HHAT: variants seen among roughly 807,000 people sequenced by gnomAD.
HHAT encodes the protein protein-cysteine N-palmitoyltransferase HHAT.
In HHAT, 47 loss-of-function variants were observed where a neutral mutation model predicts 70.8. That is an observed-to-expected ratio of 0.66 (90% CI 0.53 to 0.85). The LOEUF (loss-of-function observed/expected upper bound fraction) is 0.85, where lower values mean the gene tolerates loss of function less well. Ranked by LOEUF, HHAT falls within the 40% of genes least tolerant of loss-of-function variation. The probability of loss-of-function intolerance (pLI) is 0.00; values close to 1 mark genes in which losing one functional copy is unlikely to be tolerated. For missense variants in HHAT, 609 were observed against 604.8 expected (o/e 1.01, Z -0.07); for synonymous variants, 228 against 247.6 (o/e 0.92, Z 0.74).
chr1:210,374,103 A>C (rs1186629677), intron 3 of HHAT: 1 of 151,058 alleles, frequency 6.6e-6, no homozygotes, highest in Non-Finnish European at 1.5e-5. Flanking sequence ...CTTAAGCCTA[A>C]AGTTGCACCA....
intron 9 of HHAT, among the ~76,000 whole-genome samples, chr1:210,587,026 G>T (rs1453961303): frequency 6.6e-6 from 1 of 152,166 alleles, no homozygotes; most frequent in Non-Finnish European, 1.5e-5. Context: ...AGAAAGCTGG[G>T]GAACCGTCTC....
chr1:210,637,705 C>A (rs902636935), intron 11 of HHAT, among the ~76,000 whole-genome samples: 6 of 151,958 alleles, frequency 3.9e-5, no homozygotes, highest in African/African-American at 9.7e-5. Context: ...CCTAAAAATA[C>A]AAAAATTAGC....
chr1:210,389,654 A>G (rs2148151414), intron 4 of HHAT, among the ~76,000 whole-genome samples: 1 of 152,346 alleles, frequency 6.6e-6, no homozygotes, highest in East Asian at 1.9e-4. Flanking sequence ...GCCTTCTGGC[A>G]TGATTGTAAG....
At chr1:210,427,489 T>G (rs2093100305) in intron 7 of HHAT, among the ~76,000 whole-genome samples, 1 of 152,180 alleles carries the variant, frequency 6.6e-6, no homozygotes, top group Non-Finnish European at 1.5e-5. Flanking sequence ...TCCCAGAGAC[T>G]GTGGTATGTT....
chr1:210,462,915 T>G (rs1459531008), intron 7 of HHAT: 1 of 152,238 alleles, frequency 6.6e-6, no homozygotes, highest in Non-Finnish European at 1.5e-5. Context: ...GGTTATTTCC[T>G]TCAGAATATC....
intron 8 of HHAT, among the ~76,000 whole-genome samples, chr1:210,503,705 C>G (rs1035321132): frequency 6.6e-6 from 1 of 152,176 alleles, no homozygotes; most frequent in East Asian, 1.9e-4. Context: ...CCTTCTCATC[C>G]TCTCTTCACT....
At chr1:210,654,099 AGT>A (rs1675830090) in intron 11 of HHAT, among the ~76,000 whole-genome samples, 3 of 64,514 alleles carry the variant, frequency 4.7e-5, no homozygotes, top group Non-Finnish European at 1.0e-4. Context: ...TGACAGGAAT[AGT>A]GTGACAGCAG....
At chr1:210,552,841 C>T (rs566211093) in intron 9 of HHAT, among the ~76,000 whole-genome samples, 2 of 152,132 alleles carry the variant, frequency 1.3e-5, no homozygotes, top group African/African-American at 4.8e-5. Context: ...CCTTGAGAAA[C>T]CTTCCTTGGC....
intron 7 of HHAT, among the ~76,000 whole-genome samples, chr1:210,453,994 C>T (rs1342153061): frequency 2.0e-5 from 3 of 152,084 alleles, no homozygotes; most frequent in Admixed American, 6.5e-5. Context: ...TCTTACATGG[C>T]GGTGACAAGA....
chr1:210,640,801 A>C (rs1349810959), intron 11 of HHAT, among the ~76,000 whole-genome samples: 1 of 152,194 alleles, frequency 6.6e-6, no homozygotes, highest in Non-Finnish European at 1.5e-5. Context: ...AAAATACTGC[A>C]ATAGCATCTT....
chr1:210,571,102 A>T (rs912298317), intron 9 of HHAT, among the ~76,000 whole-genome samples: 24 of 152,144 alleles, frequency 1.6e-4, no homozygotes, highest in African/African-American at 5.6e-4. Flanking sequence ...AAACTGTCTG[A>T]TCTGTGCTAC....
chr1:210,501,702 C>T (rs559708774), intron 8 of HHAT, among the ~76,000 whole-genome samples: 1 of 152,234 alleles, frequency 6.6e-6, no homozygotes, highest in African/African-American at 2.4e-5. Flanking sequence ...GAGTGCCTCT[C>T]ATTGGGAGAA....
intron 8 of HHAT, 29 bp downstream of exon 8, chr1:210,464,684 C>T (rs1229014980): frequency 6.2e-7 from 1 of 1,613,062 alleles, no homozygotes; most frequent in South Asian, 1.1e-5. Context: ...TAAAGTTGGT[C>T]AGGCATGTCC....
rs554236088 is a variant in HHAT, at chr1:210,568,874, G to A, written c.1044-19024G>A. Among the ~76,000 whole-genome samples, 5 of 152,272 alleles carry A rather than the reference G, an allele frequency of 3.3e-5. No homozygotes were observed. In the South Asian group the frequency reaches 1.0e-3, roughly 32 times the overall value. ...CTGCCCCAGTTGGTCAAAAGCACAG[G>A]TAAAACAACTTGGGGCCTGTGATTG... On this transcript the variant is annotated intron_variant, in intron 9 of 11. Coordinates refer to ENST00000261458, the MANE Select transcript of HHAT (RefSeq NM_018194.6).
At chr1:210,586,387 C>T (rs1374879180) in intron 9 of HHAT, among the ~76,000 whole-genome samples, 1 of 152,146 alleles carries the variant, frequency 6.6e-6, no homozygotes, top group East Asian at 1.9e-4. Flanking sequence ...TTGTGGTAAG[C>T]TGTGACTGCA....
chr1:210,648,137 C>T (rs1041855969), intron 11 of HHAT, among the ~76,000 whole-genome samples: 3 of 152,206 alleles, frequency 2.0e-5, no homozygotes, highest in African/African-American at 7.2e-5. Context: ...CAGTTAAAAC[C>T]AAAGCCACTT....
chr1:210,404,511 G>A lies in HHAT; in HGVS notation c.516G>A (p.Thr172=), dbSNP rs111463628. 15 of 1,613,200 alleles carry A rather than the reference G, an allele frequency of 9.3e-6. No homozygotes were observed. The East Asian group carries it at 2.5e-4, about 26-fold the overall frequency. Residue 172 remains threonine, a synonymous_variant, in exon 6 of 12, where the codon ACG becomes ACA. Coordinates refer to ENST00000261458, the MANE Select transcript of HHAT (RefSeq NM_018194.6). The part of the protein sequence containing the change: ...TENEYYLLQF[T]LTVRCLYYTS... ...ACGAGTACTACCTGCTGCAGTTCAC[G>A]CTGACCGTTCGCTGCCTGTACTACA...
intron 9 of HHAT, among the ~76,000 whole-genome samples, chr1:210,520,656 A>T (rs2095142759): frequency 6.6e-6 from 1 of 152,138 alleles, no homozygotes; most frequent in African/African-American, 2.4e-5. Flanking sequence ...TCCTCCTCCC[A>T]TTGTCTCTGA....
At chr1:210,400,434 C>G in intron 4 of HHAT, 34 bp from the exon 5 acceptor site, 1 of 1,560,750 alleles carries the variant, frequency 6.4e-7, no homozygotes, top group Non-Finnish European at 8.7e-7. Context: ...CTCTTCCTCC[C>G]TGTCTCTCTC....
Sources: allele counts gnomAD v4.1 joint callset (sites outside exome capture counted in the v4.1 genomes callset), GRCh38; gene constraint gnomAD v4.1.1; transcripts MANE v1.5; gene names NCBI Gene and HGNC (gene_info 2026-07-23, HGNC 2026-07-21).